Variants in IQSEC3 observed in about 807,000 individuals in gnomAD.
IQSEC3 encodes IQ motif and SEC7 domain-containing protein 3.
A neutral mutation model predicts 105.4 loss-of-function variants in IQSEC3; 50 were observed. The ratio of observed to expected loss-of-function variants is 0.47; its 90% CI spans 0.38 to 0.60. The LOEUF is 0.60. IQSEC3 is among the 20% of genes least tolerant of loss of function. The pLI is 0.00. For synonymous variants in IQSEC3, 708 were observed against 746.0 expected (o/e 0.95, Z 0.83); for missense variants, 1,415 against 1,630.0 (o/e 0.87, Z 2.27).
intron 2 of IQSEC3, among the ~76,000 whole-genome samples, chr12:109,109 C>A (rs563463439): frequency 6.6e-6 from 1 of 152,368 alleles, no homozygotes; most frequent in African/African-American, 2.4e-5. Flanking sequence ...TCAGGGATTG[C>A]AAACTGGCAT....
chr12:116,067 A>G (rs931697530), intron 2 of IQSEC3, among the ~76,000 whole-genome samples: 1 of 152,194 alleles, frequency 6.6e-6, no homozygotes, highest in South Asian at 2.1e-4. Flanking sequence ...TTATTTGACA[A>G]AATAAAACAT....
chr12:92,710 C>T (rs1864127996), intron 1 of IQSEC3, among the ~76,000 whole-genome samples: 1 of 152,200 alleles, frequency 6.6e-6, no homozygotes, highest in Non-Finnish European at 1.5e-5. Flanking sequence ...CTGTAGGCCT[C>T]AGTTTCCACC....
At chr12:114,603 C>T (rs1221357762) in intron 2 of IQSEC3, among the ~76,000 whole-genome samples, 1 of 152,212 alleles carries the variant, frequency 6.6e-6, no homozygotes, top group African/African-American at 2.4e-5. Flanking sequence ...GGCCAACAGG[C>T]TCAGAGAGGA....
chr12:105,066 C>G (rs538433172), intron 2 of IQSEC3, among the ~76,000 whole-genome samples: 4 of 152,382 alleles, frequency 2.6e-5, no homozygotes, highest in African/African-American at 9.6e-5. Context: ...GCCGCGTCCT[C>G]TTTCCCTAGA....
At position 139,213 on chromosome 12, in the gene IQSEC3, C is replaced by T. The variant is rs148707062; in HGVS notation, c.1850C>T (p.Ala617Val). 8.7e-6 allele frequency: 14 copies of T among 1,600,226 alleles called. No homozygotes were observed. In the African/African-American group the frequency reaches 1.7e-4, roughly 20 times the overall value. ...AKSGSEASASASKDALQAMIL... is the reference protein window; with the variant it reads ...AKSGSEASASVSKDALQAMIL... ...TCAGGCTCGGAGGCGTCGGCCTCCGCCTCCAAGGACGCCCTGCAGGCCATG... is the reference window on the plus strand; with the variant it reads ...TCAGGCTCGGAGGCGTCGGCCTCCGTCTCCAAGGACGCCCTGCAGGCCATG... Residue 617 changes from alanine to valine, a missense_variant, in exon 4 of 14, where the codon GCC (alanine) becomes GTC (valine). Ala to Val is a moderately conservative substitution (Grantham distance 64). This residue lies in a region of IQSEC3 where 720 missense variants were observed against 633.0 expected (regional missense o/e 1.14). Coordinates refer to ENST00000538872, the MANE Select transcript of IQSEC3 (RefSeq NM_001170738.2).
At chr12:162,209 A>G in intron 8 of IQSEC3, 144 bp downstream of exon 8, 1 of 847,802 alleles carries the variant, frequency 1.2e-6, no homozygotes, top group Non-Finnish European at 1.8e-6. Context: ...TGTGTGCCAG[A>G]CACTGCATCT....
intron 1 of IQSEC3, among the ~76,000 whole-genome samples, chr12:83,855 C>T (rs1376863901): frequency 4.6e-5 from 7 of 152,292 alleles, no homozygotes; most frequent in Admixed American, 4.6e-4. Flanking sequence ...TCCAACCTTC[C>T]TTTCAACCTC....
At chr12:113,856 G>A (rs546046468) in intron 2 of IQSEC3, among the ~76,000 whole-genome samples, 1 of 152,326 alleles carries the variant, frequency 6.6e-6, no homozygotes, top group East Asian at 1.9e-4. Flanking sequence ...AAGAGAAAGA[G>A]AGAGGCGAGG....
At chr12:133,441 C>T (rs1278416405) in intron 3 of IQSEC3, among the ~76,000 whole-genome samples, 1 of 152,182 alleles carries the variant, frequency 6.6e-6, no homozygotes, top group Non-Finnish European at 1.5e-5. Flanking sequence ...CAGAAAGGAG[C>T]CAGGAGGGAG....
chr12:155,391 T>G (rs564238382), intron 5 of IQSEC3, among the ~76,000 whole-genome samples: 2 of 152,112 alleles, frequency 1.3e-5, no homozygotes, highest in African/African-American at 4.8e-5. Flanking sequence ...GGACAACTCA[T>G]AGCCTGAAGA....
chr12:131,172 A>C (rs1555085013), intron 3 of IQSEC3, among the ~76,000 whole-genome samples: 2 of 151,932 alleles, frequency 1.3e-5, no homozygotes, highest in Non-Finnish European at 2.9e-5. Context: ...TCTAATTAAC[A>C]CTGAGAGGCT....
chr12:110,205 C>G (rs782748473), intron 2 of IQSEC3, among the ~76,000 whole-genome samples: 2 of 152,100 alleles, frequency 1.3e-5, no homozygotes, highest in Non-Finnish European at 2.9e-5. Flanking sequence ...TTTCTTCTTA[C>G]AAAAACCTTC....
chr12:163,667 C>A, intron 9 of IQSEC3, 48 bp downstream of exon 9: 1 of 1,083,186 alleles, frequency 9.2e-7, no homozygotes, highest in Non-Finnish European at 1.4e-6. Context: ...GCTGCCTCTG[C>A]CGCCCTGGTC....
At chr12:80,140 G>A (rs782789711) in intron 1 of IQSEC3, among the ~76,000 whole-genome samples, 2 of 152,192 alleles carry the variant, frequency 1.3e-5, no homozygotes, top group Non-Finnish European at 2.9e-5. Flanking sequence ...GAGGAAGCAG[G>A]TATGATTGAG....
At chr12:82,426 A>G (rs1289446294) in intron 1 of IQSEC3, among the ~76,000 whole-genome samples, 2 of 152,230 alleles carry the variant, frequency 1.3e-5, no homozygotes, top group African/African-American at 2.4e-5. Context: ...AAGAGAAGCA[A>G]AGAAATGGGG....
intron 6 of IQSEC3, 101 bp downstream of exon 6, chr12:157,248 C>A: frequency 7.1e-7 from 1 of 1,414,840 alleles, no homozygotes. Flanking sequence ...GAGGGTTGGA[C>A]ATTGGGCCAG....
chr12:174,409 G>A (rs114616861), intron 13 of IQSEC3, among the ~76,000 whole-genome samples, 190 bp from the exon 14 acceptor site: 8,902 of 152,062 alleles, frequency 0.059, 319 homozygotes, highest in Middle Eastern at 0.082. Flanking sequence ...CCAGCCTCTC[G>A]ACTCCTCTCT....
At chr12:174,094 G>A (rs560981423) in intron 13 of IQSEC3, among the ~76,000 whole-genome samples, 2 of 152,296 alleles carry the variant, frequency 1.3e-5, no homozygotes, top group African/African-American at 2.4e-5. Context: ...GCATTCTGGG[G>A]TTTAAGCCTC....
chr12:117,432 C>T (rs1358989070), intron 2 of IQSEC3, among the ~76,000 whole-genome samples: 1 of 152,214 alleles, frequency 6.6e-6, no homozygotes, highest in Non-Finnish European at 1.5e-5. Context: ...CAGTATGGCC[C>T]AGCCTGGGAG....
Sources: allele counts gnomAD v4.1 joint callset (sites outside exome capture counted in the v4.1 genomes callset), GRCh38; gene constraint gnomAD v4.1.1; regional missense constraint gnomAD v4.1.1; transcripts MANE v1.5; gene names NCBI Gene and HGNC (gene_info 2026-07-23, HGNC 2026-07-21).